HEBP1: variants seen among roughly 807,000 people sequenced by gnomAD.
The protein encoded by HEBP1 is heme binding protein 1.
A neutral mutation model predicts 20.4 loss-of-function variants in HEBP1; 13 were observed. The observed-to-expected ratio is 0.64, with a 90% CI of 0.42 to 1.01. The LOEUF is 1.01. Ranked by LOEUF, HEBP1 falls within the 50% of genes least tolerant of loss-of-function variation. HEBP1 has a pLI of 0.00. For synonymous variants in HEBP1, 92 were observed against 90.7 expected, an observed-to-expected ratio of 1.01 and a Z score of -0.08; for missense variants, 241 against 247.3, an observed-to-expected ratio of 0.97 and a Z score of 0.17.
intron 3 of HEBP1, among the ~76,000 whole-genome samples, chr12:12,980,752 G>A (rs1864069798): frequency 6.6e-6 from 1 of 152,218 alleles, no homozygotes; most frequent in South Asian, 2.1e-4. Context: ...GCTATGTGTG[G>A]AGGGTGGTCA....
intron 1 of HEBP1, among the ~76,000 whole-genome samples, chr12:12,990,347 AATT>A (rs760179164): frequency 8.9e-6 from 1 of 112,134 alleles, no homozygotes; most frequent in Non-Finnish European, 2.0e-5. Flanking sequence ...TAAAAAAAAA[AATT>A]TTTTTTTTTT....
At position 12,981,680 on chromosome 12, in the gene HEBP1, C is replaced by T. The variant is rs183002403; in HGVS notation, c.398+5472G>A. The stretch of plus-strand genomic sequence containing the variant: ...CAGGGGCAAGGACATTACCTCATGA[C>T]GTCCATTTTACTGTTAGACACCTAA... On this transcript the variant is annotated intron_variant, in intron 3 of 3. Transcript: ENST00000014930. 1.6e-4 allele frequency among the ~76,000 whole-genome samples: 24 copies of T among 152,306 alleles called. No individual in the cohort carries two copies. In the East Asian group the frequency reaches 1.7e-3, roughly 11 times the overall value.
chr12:12,990,978 C>T (rs1263976797), intron 1 of HEBP1, among the ~76,000 whole-genome samples: 1 of 152,146 alleles, frequency 6.6e-6, no homozygotes, highest in Non-Finnish European at 1.5e-5. Context: ...CCATCTCCAA[C>T]CTGACCAATC....
chr12:12,978,199 G>GTTTT (rs76634642), intron 3 of HEBP1, among the ~76,000 whole-genome samples: 31 of 75,082 alleles, frequency 4.1e-4, no homozygotes, highest in African/African-American at 1.0e-3. Flanking sequence ...CTACGAAAGG[G>GTTTT]TTTTTTTTTT....
intron 3 of HEBP1, among the ~76,000 whole-genome samples, chr12:12,976,018 T>C (rs1167635287): frequency 2.7e-5 from 4 of 147,028 alleles, no homozygotes; most frequent in Non-Finnish European, 4.4e-5. Context: ...AGCAGTGACT[T>C]GTAGCAGCTT....
At chr12:12,989,556 C>A in intron 1 of HEBP1, 141 bp from the exon 2 acceptor site, 1 of 652,416 alleles carries the variant, frequency 1.5e-6, no homozygotes, top group South Asian at 2.1e-5. Flanking sequence ...GTATGAAGGG[C>A]CATGAGAAAT....
At chr12:12,988,337 T>C (rs1160530100) in intron 2 of HEBP1, among the ~76,000 whole-genome samples, 1 of 152,216 alleles carries the variant, frequency 6.6e-6, no homozygotes, top group African/African-American at 2.4e-5. Flanking sequence ...GTTAAGACAG[T>C]GTTAAGAAGG....
At position 12,986,999 on chromosome 12, in the gene HEBP1, A is replaced by G. The variant is rs1366280034; in HGVS notation, c.398+153T>C. ...ATGTGTGTGTGCTGCAGCCTGAAGAAATTAAAATGAGAAACTGTTAGGATT... is the reference window on the plus strand; with the variant it reads ...ATGTGTGTGTGCTGCAGCCTGAAGAGATTAAAATGAGAAACTGTTAGGATT... On this transcript the variant is annotated intron_variant, in intron 3 of 3. Transcript: ENST00000014930. The surrounding 1 kb of genome is among the most constrained non-coding windows in gnomAD (Gnocchi z 4.3). 1 of 696,446 alleles carries G rather than the reference A, an allele frequency of 1.4e-6. No individual in the cohort carries two copies. Among genetic ancestry groups the G allele is most frequent in the Non-Finnish European group, 2.5e-6 (1 of 403,754 alleles). The allele number at this position is 696,446 out of a possible 1,614,324, so 43.1% of individuals were successfully genotyped here. A position where few individuals can be genotyped will look rare whatever the true frequency, so the allele number is the denominator to read the frequency against.
chr12:12,995,047 G>C (rs901268049), intron 1 of HEBP1, among the ~76,000 whole-genome samples: 2 of 152,174 alleles, frequency 1.3e-5, no homozygotes, highest in African/African-American at 4.8e-5. Context: ...GCAGCTTTCT[G>C]CTGTTTCCTT....
chr12:12,977,940 G>C (rs1016941928), intron 3 of HEBP1, among the ~76,000 whole-genome samples: 1 of 152,140 alleles, frequency 6.6e-6, no homozygotes, highest in Non-Finnish European at 1.5e-5. Context: ...GGACCCCTTG[G>C]TTAAATGAAC....
intron 1 of HEBP1, among the ~76,000 whole-genome samples, chr12:12,997,355 G>A (rs1025776323): frequency 3.3e-5 from 5 of 152,212 alleles, no homozygotes; most frequent in Non-Finnish European, 5.9e-5. Flanking sequence ...TAACAGAGGG[G>A]CTGAGATGCC....
chr12:12,987,837 A>AT (rs1384087947), intron 2 of HEBP1, among the ~76,000 whole-genome samples: 1 of 152,056 alleles, frequency 6.6e-6, no homozygotes, highest in African/African-American at 2.4e-5. Context: ...GGGTTTTGCC[A>AT]TGTTGGCCAG....
chr12:12,975,227 G>T lies in HEBP1; in HGVS notation c.*81C>A. ...TAAGTTGGACTTGCAGCTGGAACTT[G>T]GGAAGCACTGTCCCCTCCTTACCCC... On this transcript the variant is annotated 3_prime_UTR_variant, in exon 4 of 4. Transcript: ENST00000014930. The T allele has an allele frequency of 7.4e-7, 1 of 1,349,262 alleles. No homozygotes were observed. Among genetic ancestry groups the T allele is most frequent in the Non-Finnish European group, 1.0e-6 (1 of 972,286 alleles). The allele number at this position is 1,349,262 out of a possible 1,614,324, so 83.6% of individuals were successfully genotyped here. A position where few individuals can be genotyped will look rare whatever the true frequency, so the allele number is the denominator to read the frequency against.
At chr12:12,982,275 C>T (rs1174683810) in intron 3 of HEBP1, among the ~76,000 whole-genome samples, 1 of 152,136 alleles carries the variant, frequency 6.6e-6, no homozygotes, top group Non-Finnish European at 1.5e-5. Context: ...CAAAATAAAG[C>T]TGGATAAGAG....
chr12:12,981,441 C>T (rs1037645121), intron 3 of HEBP1, among the ~76,000 whole-genome samples: 5 of 152,066 alleles, frequency 3.3e-5, no homozygotes, highest in Non-Finnish European at 7.4e-5. Context: ...AAAAGACTTA[C>T]GGGATAACTG....
At chr12:12,999,233 C>T (rs746235932) in intron 1 of HEBP1, among the ~76,000 whole-genome samples, 2 of 152,244 alleles carry the variant, frequency 1.3e-5, no homozygotes, top group African/African-American at 4.8e-5. Flanking sequence ...GTATCTACTA[C>T]GTTTTTTCCT....
chr12:12,997,339 C>T lies in HEBP1; in HGVS notation c.78+2698G>A, dbSNP rs149128023. Among the ~76,000 whole-genome samples, 602 of 152,248 alleles carry T rather than the reference C, an allele frequency of 4.0e-3. 8 individuals carry two copies. Among genetic ancestry groups the T allele is most frequent in the African/African-American group, 0.014 (584 of 41,536 alleles). Reference sequence around the variant, plus strand: ...GCACTTCGATGCAAGGGATTGGTTGCACAGATAACAGAGGGGCTGAGATGC... The same window carrying T: ...GCACTTCGATGCAAGGGATTGGTTGTACAGATAACAGAGGGGCTGAGATGC... On this transcript the variant is annotated intron_variant, in intron 1 of 3. Transcript: ENST00000014930.
chr12:12,979,272 C>T (rs1193823398), intron 3 of HEBP1, among the ~76,000 whole-genome samples: 1 of 152,164 alleles, frequency 6.6e-6, no homozygotes, highest in East Asian at 1.9e-4. Context: ...CATTTATTCC[C>T]AGGCAGACTG....
intron 2 of HEBP1, 131 bp downstream of exon 2, chr12:12,989,146 G>T: frequency 1.1e-6 from 1 of 927,168 alleles, no homozygotes. Context: ...CACAGTGCAG[G>T]AGGTTCACAG....
Sources: allele counts gnomAD v4.1 joint callset (sites outside exome capture counted in the v4.1 genomes callset), GRCh38; gene constraint gnomAD v4.1.1; non-coding constraint Gnocchi (gnomAD v3.1); transcripts MANE v1.5; gene names NCBI Gene and HGNC (gene_info 2026-07-23, HGNC 2026-07-21).